FOXP1: variants seen among roughly 807,000 people sequenced by gnomAD.
FOXP1 encodes forkhead box protein P1.
Under a neutral mutation model 98.2 loss-of-function variants are expected in FOXP1, and 15 were observed. The ratio of observed to expected loss-of-function variants is 0.15; its 90% CI spans 0.10 to 0.24. FOXP1 has a LOEUF of 0.24. Among genes scored for constraint, FOXP1 ranks in the 10% least tolerant of loss-of-function variants. The pLI is 1.00. For missense variants in FOXP1, 633 were observed against 848.5 expected (o/e 0.75, Z 3.15); for synonymous variants, 371 against 314.5 (o/e 1.18, Z -1.90).
chr3:70,960,620 G>T (rs185469722), intron 20 of FOXP1, among the ~76,000 whole-genome samples: 57 of 152,090 alleles, frequency 3.7e-4, no homozygotes, highest in Non-Finnish European at 6.6e-4. Flanking sequence ...TTAAATTGAC[G>T]TTATCAAGTA....
At chr3:71,436,862 A>G (rs2085412949) in intron 3 of FOXP1, among the ~76,000 whole-genome samples, 1 of 152,182 alleles carries the variant, frequency 6.6e-6, no homozygotes, top group Non-Finnish European at 1.5e-5. Context: ...ACATCTATCT[A>G]AAACACAGGA....
intron 3 of FOXP1, among the ~76,000 whole-genome samples, chr3:71,397,835 A>C (rs2081645874): frequency 6.6e-6 from 1 of 152,246 alleles, no homozygotes. Flanking sequence ...GTATAATTCC[A>C]GGTCCCAAGC....
chr3:71,436,458 C>T (rs1280678485), intron 3 of FOXP1, among the ~76,000 whole-genome samples: 1 of 136,686 alleles, frequency 7.3e-6, no homozygotes, highest in Non-Finnish European at 1.6e-5. Context: ...CTGGATTTAA[C>T]ACTGCAGTCC....
chr3:70,993,290 C>A (rs1335203561), intron 13 of FOXP1, among the ~76,000 whole-genome samples: 5 of 152,178 alleles, frequency 3.3e-5, no homozygotes, highest in Non-Finnish European at 5.9e-5. Context: ...TGCCTTGCTA[C>A]CATGGAATGC....
intron 4 of FOXP1, among the ~76,000 whole-genome samples, chr3:71,336,959 T>A (rs1011751765): frequency 1.3e-5 from 2 of 152,148 alleles, no homozygotes; most frequent in African/African-American, 4.8e-5. Context: ...GGGCCAGGGA[T>A]CTCTGAAAGG....
intron 6 of FOXP1, among the ~76,000 whole-genome samples, chr3:71,189,438 A>C (rs1203531540): frequency 1.3e-5 from 2 of 152,230 alleles, no homozygotes; most frequent in Non-Finnish European, 2.9e-5. Context: ...AAACATATGC[A>C]ATCAAAATAG....
chr3:71,014,998 G>T (rs542322242), intron 12 of FOXP1, among the ~76,000 whole-genome samples: 1 of 151,942 alleles, frequency 6.6e-6, no homozygotes, highest in Non-Finnish European at 1.5e-5. Flanking sequence ...TCGTGGGGTG[G>T]GGGGAGAGGG....
At chr3:71,447,449 C>T (rs2086553413) in intron 3 of FOXP1, among the ~76,000 whole-genome samples, 2 of 152,304 alleles carry the variant, frequency 1.3e-5, no homozygotes, top group South Asian at 4.1e-4. Context: ...TCTGAAAGGG[C>T]ATCACTCCAG....
intron 6 of FOXP1, among the ~76,000 whole-genome samples, chr3:71,127,289 C>T (rs972184729): frequency 1.3e-5 from 2 of 152,174 alleles, no homozygotes; most frequent in East Asian, 1.9e-4. Flanking sequence ...ACAGAGCAAC[C>T]GCTGACTTAA....
At chr3:70,971,248 A>G (rs990163693) in intron 18 of FOXP1, 2 of 238,710 alleles carry the variant, frequency 8.4e-6, no homozygotes, top group Non-Finnish European at 1.7e-5. Context: ...AGTGACTGCT[A>G]GAGGGATGGC....
At chr3:71,218,599 A>G (rs2065118619) in intron 5 of FOXP1, among the ~76,000 whole-genome samples, 1 of 152,220 alleles carries the variant, frequency 6.6e-6, no homozygotes, top group South Asian at 2.1e-4. Flanking sequence ...GGTGTTGTAC[A>G]GTAAAATATT....
chr3:71,318,129 A>G (rs1278618682), intron 4 of FOXP1, among the ~76,000 whole-genome samples: 1 of 151,020 alleles, frequency 6.6e-6, no homozygotes, highest in Admixed American at 6.7e-5. Context: ...AACAAAATGA[A>G]TTACAAATAA....
chr3:71,259,534 C>A (rs2068918585), intron 5 of FOXP1, among the ~76,000 whole-genome samples: 1 of 152,168 alleles, frequency 6.6e-6, no homozygotes, highest in Non-Finnish European at 1.5e-5. Flanking sequence ...CTTCCTAAGT[C>A]TATGATCCCT....
intron 6 of FOXP1, among the ~76,000 whole-genome samples, chr3:71,138,885 G>T (rs2059937669): frequency 6.6e-6 from 1 of 151,334 alleles, no homozygotes; most frequent in South Asian, 2.1e-4. Flanking sequence ...CATTAACAGT[G>T]GAAAAACTGC....
In FOXP1 at chr3:70,976,903, G is replaced by A. The variant is rs369552693; in HGVS notation, c.1530+38C>T. On this transcript the variant is annotated intron_variant, in intron 17 of 20. Transcript: ENST00000649528. The stretch of plus-strand genomic sequence containing the variant: ...ATCAACAACAAACTGTTCTATGAAC[G>A]TCAAGATCCAAGAATAAACAGGCCT... 1.8e-5 allele frequency: 26 copies of A among 1,424,128 alleles called. No homozygotes were observed. The South Asian group carries it at 2.1e-4, about 11-fold the overall frequency. The allele number at this position is 1,424,128 out of a possible 1,614,324, so 88.2% of individuals were successfully genotyped here. A position where few individuals can be genotyped will look rare whatever the true frequency, so the allele number is the denominator to read the frequency against.
intron 3 of FOXP1, among the ~76,000 whole-genome samples, chr3:71,483,026 G>C (rs182822893): frequency 6.6e-6 from 1 of 151,658 alleles, no homozygotes; most frequent in South Asian, 2.1e-4. Context: ...TTTTTGTAGA[G>C]ATGGGGTCTC....
intron 5 of FOXP1, among the ~76,000 whole-genome samples, chr3:71,293,221 A>G (rs1174420600): frequency 2.0e-5 from 3 of 152,350 alleles, no homozygotes; most frequent in East Asian, 1.9e-4. Context: ...GCCACCTAAC[A>G]TGAGGTTTGT....
At chr3:71,073,703 T>A (rs2053507469) in intron 7 of FOXP1, among the ~76,000 whole-genome samples, 1 of 152,192 alleles carries the variant, frequency 6.6e-6, no homozygotes, top group Non-Finnish European at 1.5e-5. Context: ...TGTCTCCTGA[T>A]TTGAGAGCAT....
At chr3:71,037,595 A>G (rs1225615070) in intron 11 of FOXP1, among the ~76,000 whole-genome samples, 3 of 152,126 alleles carry the variant, frequency 2.0e-5, no homozygotes, top group Non-Finnish European at 4.4e-5. Flanking sequence ...GCGCCATTGA[A>G]CTTGATCCCC....
Sources: gnomAD v4.1 joint callset for allele counts (sites outside exome capture counted in the v4.1 genomes callset) on GRCh38, gnomAD v4.1.1 for gene constraint, MANE v1.5 for transcripts, NCBI Gene and HGNC (gene_info 2026-07-23, HGNC 2026-07-21) for gene names.